Variants in KLHL8 observed in about 807,000 individuals in gnomAD.
KLHL8 encodes the protein kelch-like protein 8.
A neutral mutation model predicts 63.5 loss-of-function variants in KLHL8; 38 were observed. The observed-to-expected ratio is 0.60, with a 90% confidence interval of 0.46 to 0.78. The LOEUF is 0.78. KLHL8 is among the 30% of genes least tolerant of loss of function. KLHL8 has a pLI of 0.00. For synonymous variants in KLHL8, 224 were observed against 254.3 expected (o/e 0.88, Z 1.13); for missense variants, 566 against 752.4 (o/e 0.75, Z 2.90).
At chr4:87,180,233 A>T (rs1475387248) in intron 4 of KLHL8, among the ~76,000 whole-genome samples, 1 of 152,224 alleles carries the variant, frequency 6.6e-6, no homozygotes, top group African/African-American at 2.4e-5. Context: ...TGTTATGCCA[A>T]CATCTGTTAC....
intron 1 of KLHL8, 191 bp downstream of exon 1, chr4:87,220,227 C>T (rs1732778281): frequency 6.6e-6 from 1 of 152,434 alleles, no homozygotes. Flanking sequence ...CCCAAGCCCT[C>T]TCAGCTGTGG....
intron 1 of KLHL8, among the ~76,000 whole-genome samples, chr4:87,203,797 G>A (rs1732011101): frequency 6.6e-6 from 1 of 151,710 alleles, no homozygotes; most frequent in African/African-American, 2.4e-5. Flanking sequence ...TTGCTAAAAT[G>A]GACTCCATCA....
In KLHL8 at chr4:87,189,256, A is replaced by C. The variant is rs141982515; in HGVS notation, c.217-3457T>G. ...CAAGAGTAGGTTGCAGTCTGTTTAC[A>C]CAACCAGTTAGGTTACAGTTTACTG... On this transcript the variant is annotated intron_variant, in intron 2 of 9. Transcript: ENST00000273963. 3.4e-3 allele frequency among the ~76,000 whole-genome samples: 515 copies of C among 152,354 alleles called. 4 individuals carry two copies. The highest frequency in any genetic ancestry group is 0.028 in the South Asian group (136 of 4,832).
At chr4:87,183,465 A>G (rs957822349) in intron 3 of KLHL8, 76 bp from the exon 4 acceptor site, 10 of 1,170,270 alleles carry the variant, frequency 8.5e-6, no homozygotes, top group African/African-American at 1.6e-5. Context: ...AATTGTATCA[A>G]ATAAAGGTGA....
intron 1 of KLHL8, among the ~76,000 whole-genome samples, chr4:87,219,317 A>G (rs1451638514): frequency 2.0e-5 from 3 of 152,230 alleles, no homozygotes; most frequent in Non-Finnish European, 4.4e-5. Context: ...ATGCGCGAAG[A>G]GGATTTCCTT....
At position 87,161,357 on chromosome 4, in the gene KLHL8, A is replaced by G. The variant is rs1578350621; in HGVS notation, c.*2162T>C. The G allele has an allele frequency of 6.6e-6, 1 of 152,034 alleles. No homozygotes were observed. The highest frequency in any genetic ancestry group is 1.5e-5 in the Non-Finnish European group (1 of 68,010). 9.4% of individuals were successfully genotyped at this position (152,034 alleles called of 1,614,324 possible). On this transcript the variant is annotated 3_prime_UTR_variant, in exon 10 of 10. Transcript: ENST00000273963. ...CCATGCCTGGCCTATTTATCTTTTC[A>G]TACTGCTGTCAGGTCCTTCAAGGCT...
chr4:87,189,726 CT>C (rs1731404727), intron 2 of KLHL8, among the ~76,000 whole-genome samples: 1 of 151,968 alleles, frequency 6.6e-6, no homozygotes, highest in Non-Finnish European at 1.5e-5. Context: ...CTCCACTTCA[CT>C]TAAAAAAGTT....
intron 3 of KLHL8, 81 bp downstream of exon 3, chr4:87,185,170 A>G (rs1156229032): frequency 3.1e-6 from 4 of 1,280,062 alleles, no homozygotes; most frequent in Non-Finnish European, 4.3e-6. Context: ...GAAATAATCT[A>G]CACTTTTCCT....
intron 2 of KLHL8, 148 bp from the exon 3 acceptor site, chr4:87,185,947 G>T: frequency 1.5e-6 from 1 of 657,688 alleles, no homozygotes; most frequent in Non-Finnish European, 2.5e-6. Flanking sequence ...TTACTTTCAA[G>T]TAGGCCAGTT....
chr4:87,201,905 G>C (rs1454492740), intron 1 of KLHL8, among the ~76,000 whole-genome samples: 1 of 152,044 alleles, frequency 6.6e-6, no homozygotes, highest in Non-Finnish European at 1.5e-5. Context: ...CAGCTTAGGT[G>C]AAAGTTCAGA....
intron 6 of KLHL8, among the ~76,000 whole-genome samples, chr4:87,174,231 A>G (rs1039724821): frequency 4.6e-5 from 7 of 151,538 alleles, no homozygotes; most frequent in Non-Finnish European, 8.8e-5. Context: ...GTATCATTAT[A>G]TATCATATAT....
rs1412508895 is a variant in KLHL8, at chr4:87,183,324, C to T, written c.831G>A (p.Lys277=). 1.9e-6 allele frequency: 3 copies of T among 1,613,038 alleles called. No individual in the cohort carries two copies. The highest frequency in any genetic ancestry group is 2.5e-6 in the Non-Finnish European group (3 of 1,179,374). Reference sequence around the variant, plus strand: ...GTAAATCTCTACATTTTAGATTTTGCTTGACAATCTGTTCTTTTGCCACAA... The same window carrying T: ...GTAAATCTCTACATTTTAGATTTTGTTTGACAATCTGTTCTTTTGCCACAA... ...MGVVAKEQIV[K]QNLKCRDLLD... The change falls in exon 4 of 10, where the codon AAG becomes AAA. Residue 277 remains lysine, a synonymous_variant. Transcript: ENST00000273963.
At chr4:87,201,639 C>A (rs13126252) in intron 1 of KLHL8, among the ~76,000 whole-genome samples, 12,046 of 152,082 alleles carry the variant, frequency 0.079, 647 homozygotes, top group Non-Finnish European at 0.12. Flanking sequence ...AATAAACAAC[C>A]CTAAACAAAT....
intron 1 of KLHL8, among the ~76,000 whole-genome samples, chr4:87,201,807 T>C (rs921194790): frequency 2.0e-5 from 3 of 152,100 alleles, no homozygotes; most frequent in Non-Finnish European, 2.9e-5. Flanking sequence ...TAAGAGAAAT[T>C]AGAAATTTCT....
At chr4:87,207,123 G>T (rs971004025) in intron 1 of KLHL8, 4 of 535,720 alleles carry the variant, frequency 7.5e-6, no homozygotes, top group Admixed American at 2.1e-5. Context: ...GGATTTGGTC[G>T]TATTGGATGC....
At chr4:87,170,849 G>A (rs1730607496) in intron 6 of KLHL8, among the ~76,000 whole-genome samples, 1 of 152,100 alleles carries the variant, frequency 6.6e-6, no homozygotes, top group Admixed American at 6.5e-5. Flanking sequence ...AGCCTACACA[G>A]GCTACTTTAA....
rs547349589 is a variant in KLHL8 at position 87,219,254 on chromosome 4, A to C, written c.-152+1164T>G. On this transcript the variant is annotated intron_variant, in intron 1 of 9. Transcript: ENST00000273963. ...CAGCGTTCCAGGCGCCAGCACTGTT[A>C]GCAGCAGTCCTCTGCGTACCCAAGA... 6.2e-3 allele frequency among the ~76,000 whole-genome samples: 939 copies of C among 152,346 alleles called. 12 individuals carry two copies. Among genetic ancestry groups the C allele is most frequent in the African/African-American group, 0.021 (889 of 41,568 alleles).
At chr4:87,236,331 C>G (rs1733227266) in intron 1 of KLHL8, among the ~76,000 whole-genome samples, 1 of 151,872 alleles carries the variant, frequency 6.6e-6, no homozygotes, top group South Asian at 2.1e-4. Flanking sequence ...GCCTCAGCCT[C>G]CTGAGTAGCT....
intron 1 of KLHL8, among the ~76,000 whole-genome samples, chr4:87,233,525 A>G (rs970757152): frequency 2.0e-5 from 3 of 152,030 alleles, no homozygotes; most frequent in African/African-American, 7.2e-5. Flanking sequence ...GTGCGCTGAG[A>G]CTGTGCACTG....
Sources: allele counts gnomAD v4.1 joint callset (sites outside exome capture counted in the v4.1 genomes callset), GRCh38; gene constraint gnomAD v4.1.1; transcripts MANE v1.5; gene names NCBI Gene and HGNC (gene_info 2026-07-23, HGNC 2026-07-21).